Variants in DCDC1 observed in about 807,000 individuals in gnomAD.
DCDC1 encodes doublecortin domain-containing protein 1.
DCDC1 carries 200 observed loss-of-function variants against 178.3 expected under a neutral mutation model. The observed-to-expected ratio is 1.12, with a 90% CI of 1.00 to 1.26. The LOEUF is 1.26. Among genes scored for constraint, DCDC1 ranks in the 50% most tolerant of loss-of-function variants. DCDC1 has a pLI of 0.00. For missense variants in DCDC1, 1,983 were observed against 1,749.2 expected (o/e 1.13, Z -2.38); for synonymous variants, 690 against 604.8 (o/e 1.14, Z -2.07).
chr11:31,289,234 CTGAAG>C (rs1947049466), intron 7 of DCDC1, among the ~76,000 whole-genome samples: 1 of 151,962 alleles, frequency 6.6e-6, no homozygotes, highest in African/African-American at 2.4e-5. Flanking sequence ...CGAGATTGAA[CTGAAG>C]TGAACTCAAG....
intron 38 of DCDC1, among the ~76,000 whole-genome samples, chr11:30,871,349 C>A (rs1014534937): frequency 1.3e-5 from 2 of 152,074 alleles, no homozygotes; most frequent in African/African-American, 2.4e-5. Flanking sequence ...GACAGGCATG[C>A]GTCTTGAACA....
intron 17 of DCDC1, among the ~76,000 whole-genome samples, chr11:31,078,816 A>AC (rs1242513158): frequency 8.5e-5 from 11 of 128,758 alleles, no homozygotes; most frequent in Non-Finnish European, 1.2e-4. Context: ...GTGTGGACCC[A>AC]CCCCCCACCC....
intron 9 of DCDC1, among the ~76,000 whole-genome samples, chr11:31,189,958 A>T (rs1305882985): frequency 1.3e-5 from 2 of 152,200 alleles, no homozygotes; most frequent in Non-Finnish European, 2.9e-5. Flanking sequence ...ACCAAAGTTG[A>T]CTGATATAAT....
chr11:30,878,708 A>C lies in DCDC1; in HGVS notation c.5237T>G (p.Leu1746Ter), dbSNP rs1373102114. The C allele has an allele frequency of 1.3e-6, 2 of 1,530,786 alleles. No individual in the cohort carries two copies. Among genetic ancestry groups the C allele is most frequent in the South Asian group, 2.5e-5 (2 of 81,578 alleles). The allele number at this position is 1,530,786 out of a possible 1,614,324, so 94.8% of individuals were successfully genotyped here. A position where few individuals can be genotyped will look rare whatever the true frequency, so the allele number is the denominator to read the frequency against. Residue 1746 changes from leucine to a stop codon, truncating the protein, a stop_gained, in exon 38 of 39, where the codon TTA becomes TGA. Coordinates refer to ENST00000684477, the MANE Select transcript of DCDC1 (RefSeq NM_001387274.1). LOFTEE classifies it high-confidence loss of function. ...TGCTCTGATCTCCATCAGTTGTTTT[A>C]ACTCTGTTAAAAAAAAAAAAAAAAG... ...MGHGFKTPKE[L>*]KQLMEIRANY...
intron 20 of DCDC1, among the ~76,000 whole-genome samples, chr11:31,022,760 A>G (rs1346318899): frequency 6.7e-6 from 1 of 150,116 alleles, no homozygotes; most frequent in East Asian, 2.0e-4. Context: ...GTGTGTGTGT[A>G]TAGGCACACA....
At chr11:30,910,724 A>G (rs1389265273) in intron 28 of DCDC1, among the ~76,000 whole-genome samples, 2 of 148,686 alleles carry the variant, frequency 1.3e-5, no homozygotes, top group African/African-American at 2.5e-5. Flanking sequence ...GAAAAATGTG[A>G]AAAAAAAAAG....
chr11:31,152,575 G>A (rs564208161), intron 9 of DCDC1, among the ~76,000 whole-genome samples: 7 of 152,250 alleles, frequency 4.6e-5, no homozygotes, highest in East Asian at 1.9e-4. Flanking sequence ...TCTTTGGGTC[G>A]CCTTTCCTGA....
chr11:31,150,548 C>T (rs1318771753), intron 9 of DCDC1, among the ~76,000 whole-genome samples: 1 of 152,136 alleles, frequency 6.6e-6, no homozygotes, highest in Non-Finnish European at 1.5e-5. Flanking sequence ...TTTATATCAG[C>T]TTTACTCAAC....
intron 20 of DCDC1, among the ~76,000 whole-genome samples, chr11:31,033,747 A>T (rs2135293702): frequency 6.6e-6 from 1 of 152,332 alleles, no homozygotes; most frequent in Non-Finnish European, 1.5e-5. Flanking sequence ...GAGCTGAAAA[A>T]TTCTTATCAC....
intron 9 of DCDC1, among the ~76,000 whole-genome samples, chr11:31,181,128 G>A (rs1195583946): frequency 6.6e-6 from 1 of 152,196 alleles, no homozygotes; most frequent in African/African-American, 2.4e-5. Context: ...GGCCACTGCA[G>A]CTCAGCAAAG....
At chr11:31,089,191 C>G (rs1048865106) in intron 17 of DCDC1, among the ~76,000 whole-genome samples, 4 of 152,072 alleles carry the variant, frequency 2.6e-5, no homozygotes, top group Admixed American at 2.6e-4. Context: ...GACATTTTCA[C>G]TGGGGAAAGT....
In DCDC1 at chr11:30,945,649, T is replaced by TGC. The variant is rs530118186; in HGVS notation, c.2715+6794_2715+6795dup. Reference sequence around the variant, plus strand: ...CAGAGGTTGCAATGAGCCAAGAAGGTGCCATTGCACTTCAGCCGGGGTAAC... The same window carrying TGC: ...CAGAGGTTGCAATGAGCCAAGAAGGTGCGCCATTGCACTTCAGCCGGGGTAAC... On this transcript the variant is annotated intron_variant, in intron 21 of 38. Transcript: ENST00000684477. Among the ~76,000 whole-genome samples, 633 of 151,972 alleles carry TGC rather than the reference T, an allele frequency of 4.2e-3. 7 individuals carry two copies. The highest frequency in any genetic ancestry group is 0.014 in the African/African-American group (601 of 41,462).
At chr11:31,209,835 C>G (rs1216321091) in intron 9 of DCDC1, among the ~76,000 whole-genome samples, 3 of 152,096 alleles carry the variant, frequency 2.0e-5, no homozygotes, top group Non-Finnish European at 4.4e-5. Context: ...GATAAAGGAA[C>G]AAGCATGAAC....
chr11:30,878,656 CT>C lies in DCDC1; in HGVS notation c.5288del (p.Gln1763ArgfsTer72). On this transcript the variant is annotated frameshift_variant, in exon 38 of 39. Coordinates refer to ENST00000684477, the MANE Select transcript of DCDC1 (RefSeq NM_001387274.1). LOFTEE classifies it high-confidence loss of function. Reference sequence around the variant, plus strand: ...CCACAATGTCTGTGGCTTGAGGGCCCTGCTGCCTTCGGATTCTGGCATAATT... The same window carrying C: ...CCACAATGTCTGTGGCTTGAGGGCCCGCTGCCTTCGGATTCTGGCATAATT... The part of the protein sequence containing the change: ...RANYARIRRQ[Q>X]GPQATDIVVS... 1 of 1,610,988 alleles carries C rather than the reference CT, an allele frequency of 6.2e-7. No homozygotes were observed. Among genetic ancestry groups the C allele is most frequent in the Non-Finnish European group, 8.5e-7 (1 of 1,178,608 alleles).
chr11:31,046,979 CCTT>C (rs1263151221), intron 20 of DCDC1, among the ~76,000 whole-genome samples: 1 of 152,146 alleles, frequency 6.6e-6, no homozygotes, highest in Non-Finnish European at 1.5e-5. Context: ...TCCCAACTAT[CCTT>C]CTTCTGGTTC....
chr11:31,099,132 C>T (rs1158826651), intron 15 of DCDC1, among the ~76,000 whole-genome samples: 2 of 152,216 alleles, frequency 1.3e-5, no homozygotes, highest in Non-Finnish European at 2.9e-5. Flanking sequence ...GTCCTTTTCT[C>T]TGATATCTCT....
At chr11:31,011,081 T>C (rs1952139219) in intron 20 of DCDC1, among the ~76,000 whole-genome samples, 1 of 152,138 alleles carries the variant, frequency 6.6e-6, no homozygotes, top group Admixed American at 6.5e-5. Context: ...AATAATGGAC[T>C]CATCAATAAA....
At chr11:31,266,575 T>TA (rs773833638) in intron 7 of DCDC1, among the ~76,000 whole-genome samples, 1 of 152,220 alleles carries the variant, frequency 6.6e-6, no homozygotes, top group Non-Finnish European at 1.5e-5. Context: ...TTCCCAGCTA[T>TA]AATATTACTT....
At chr11:31,077,565 T>C (rs1336632936) in intron 18 of DCDC1, among the ~76,000 whole-genome samples, 1 of 152,152 alleles carries the variant, frequency 6.6e-6, no homozygotes, top group Non-Finnish European at 1.5e-5. Flanking sequence ...ACTGATAGTT[T>C]CCCAAAGTAC....
Sources: gnomAD v4.1 joint callset for allele counts (sites outside exome capture counted in the v4.1 genomes callset) on GRCh38, gnomAD v4.1.1 for gene constraint, MANE v1.5 for transcripts, NCBI Gene and HGNC (gene_info 2026-07-23, HGNC 2026-07-21) for gene names.